Variants in SPATA24 observed in about 807,000 individuals in gnomAD.
The protein encoded by SPATA24 is spermatogenesis-associated protein 24.
SPATA24 carries 21 observed loss-of-function variants against 28.9 expected under a neutral mutation model. That is an observed-to-expected ratio of 0.73 (90% confidence interval 0.52 to 1.05). The LOEUF is 1.05. Among genes scored for constraint, SPATA24 ranks in the 50% least tolerant of loss-of-function variants. The probability of loss-of-function intolerance (pLI) is 0.00; values close to 1 mark genes in which losing one functional copy is unlikely to be tolerated. For missense variants in SPATA24, 215 were observed against 242.9 expected (o/e 0.88, Z 0.76); for synonymous variants, 76 against 89.9 (o/e 0.85, Z 0.88).
downstream of SPATA24, chr5:139,392,500 C>G (rs1395717166): frequency 1.0e-5 from 14 of 1,354,888 alleles, no homozygotes; most frequent in South Asian, 1.8e-5. The surrounding 1 kb of genome is among the most constrained non-coding windows in gnomAD (Gnocchi z 5.8). Context: ...TTGCGGGGAC[C>G]GGTCCGTGGG....
downstream of SPATA24, chr5:139,396,749 G>A: frequency 6.4e-7 from 1 of 1,551,450 alleles, no homozygotes; most frequent in Non-Finnish European, 8.7e-7. Context: ...CCAGAGCAGA[G>A]AAGGCAGAGG....
chr5:139,398,885 G>A lies in SPATA24; in HGVS notation c.386-1742C>T, dbSNP rs777602243. Among the ~76,000 whole-genome samples the A allele has an allele frequency of 2.8e-4, 32 of 113,156 alleles. 5 individuals are homozygous for A. The highest frequency in any genetic ancestry group is 5.3e-4 in the Non-Finnish European group (32 of 60,542). The allele number at this position is 113,156 out of a possible 152,430, so 74.2% of individuals were successfully genotyped here. A position where few individuals can be genotyped will look rare whatever the true frequency, so the allele number is the denominator to read the frequency against. ...CTAAAAATACAAAAATTAGCTGGGT[G>A]TGGTGGCACATGCCTGTAATCCCAG... On this transcript the variant is annotated intron_variant, in intron 4 of 5. Transcript: ENST00000450845.
At chr5:139,402,555 T>G (rs1323315351) in intron 2 of SPATA24, 73 bp downstream of exon 2, 1 of 1,372,110 alleles carries the variant, frequency 7.3e-7, no homozygotes, top group East Asian at 2.5e-5. Flanking sequence ...GGCTAATACT[T>G]AATGAGCCTG....
intron 4 of SPATA24, among the ~76,000 whole-genome samples, chr5:139,400,141 C>T (rs1349058365): frequency 1.3e-5 from 2 of 152,060 alleles, no homozygotes; most frequent in African/African-American, 2.4e-5. Context: ...AGAGCACTCA[C>T]TAGGGGAGAG....
chr5:139,401,506 T>A lies in SPATA24; in HGVS notation c.385+249A>T, dbSNP rs1356702641. The stretch of plus-strand genomic sequence containing the variant: ...AGGTGGACTAAGAAGGTTGTATGTT[T>A]CAGGAAAAATGGGAGCAAGCCCATT... On this transcript the variant is annotated intron_variant, in intron 4 of 5. Transcript: ENST00000450845. 5 of 637,998 alleles carry A rather than the reference T, an allele frequency of 7.8e-6. No individual in the cohort carries two copies. The East Asian group carries it at 1.1e-4, about 14-fold the overall frequency. 39.5% of individuals were successfully genotyped at this position (637,998 alleles called of 1,614,324 possible).
At chr5:139,395,149 C>G, downstream of SPATA24, 1 of 1,348,970 alleles carries the variant, frequency 7.4e-7, no homozygotes, top group Non-Finnish European at 9.6e-7. Context: ...GCACTGTCCC[C>G]GCCCCGCCCG....
downstream of SPATA24, chr5:139,394,052 G>C (rs1464598242): frequency 1.3e-6 from 2 of 1,550,878 alleles, no homozygotes; most frequent in Admixed American, 3.9e-5. Flanking sequence ...TCTGACTGAA[G>C]GAAGATGCTG....
At chr5:139,393,177 G>C (rs753320442), downstream of SPATA24, 6 of 1,549,192 alleles carry the variant, frequency 3.9e-6, no homozygotes, top group Admixed American at 3.9e-5. Flanking sequence ...AGCCTGGCGC[G>C]TACGTGGTCT....
At chr5:139,393,281 C>T, downstream of SPATA24, 1 of 1,550,112 alleles carries the variant, frequency 6.5e-7, no homozygotes, top group Non-Finnish European at 8.7e-7. Context: ...GGGCACTTAT[C>T]CGCGTCCAGG....
At chr5:139,393,897 C>T, downstream of SPATA24, 1 of 1,550,996 alleles carries the variant, frequency 6.4e-7, no homozygotes, top group East Asian at 2.4e-5. Flanking sequence ...TCTGCCGTGG[C>T]GGGGACGGGC....
At chr5:139,403,056 G>A (rs943240151) in intron 1 of SPATA24, among the ~76,000 whole-genome samples, 2 of 152,164 alleles carry the variant, frequency 1.3e-5, no homozygotes, top group African/African-American at 4.8e-5. Flanking sequence ...TGCTATATAG[G>A]GTGGGCCAGA....
Position 139,403,949 on chromosome 5 carries a change from T to C in SPATA24, c.112A>G (p.Asn38Asp). 6.4e-7 allele frequency: 1 copy of C among 1,551,376 alleles called. No homozygotes were observed. Among genetic ancestry groups the C allele is most frequent in the Non-Finnish European group, 8.7e-7 (1 of 1,146,674 alleles). The change falls in exon 1 of 6, where the codon AAC becomes GAC. Residue 38 changes from asparagine to aspartate, a missense_variant. By Grantham distance (23) the Asn-to-Asp change is conservative (BLOSUM62 1). Coordinates refer to ENST00000450845, the MANE Select transcript of SPATA24 (RefSeq NM_194296.2). ...AAACTCCTCTGGCTGCATACCACGT[T>C]CCTCAGCTGGTGGATTAGTTCCTCC... ...SQEELIHQLR[N>D]VMVLQDENFV...
chr5:139,402,144 A>G, intron 2 of SPATA24, 99 bp from the exon 3 acceptor site: 1 of 1,430,738 alleles, frequency 7.0e-7, no homozygotes, highest in Non-Finnish European at 9.2e-7. Flanking sequence ...CACAGAAGCC[A>G]GAGCACAGGG....
At chr5:139,401,348 C>T in intron 4 of SPATA24, 1 of 530,202 alleles carries the variant, frequency 1.9e-6, no homozygotes, top group Admixed American at 3.6e-5. Context: ...ATCCTAGCCC[C>T]CTGTCACCAC....
At chr5:139,399,316 CAA>C (rs1435847293) in intron 4 of SPATA24, among the ~76,000 whole-genome samples, 9 of 59,054 alleles carry the variant, frequency 1.5e-4, no homozygotes, top group Non-Finnish European at 1.4e-4. Context: ...GACTCCATCT[CAA>C]AAAAAAAAAA....
downstream of SPATA24, chr5:139,394,091 C>T: frequency 3.2e-6 from 5 of 1,550,464 alleles, no homozygotes; most frequent in Non-Finnish European, 4.4e-6. Flanking sequence ...GGCTCCGTCC[C>T]GGGCGCAGGC....
Position 139,401,456 on chromosome 5 carries a change from A to G in SPATA24, c.385+299T>C, listed in dbSNP as rs371843555. ...TGTTCCTCTTGTATCAGTTAGGAGTAACCCATCAAAAGTGGGAAAACAAAA... is the reference window on the plus strand; with the variant it reads ...TGTTCCTCTTGTATCAGTTAGGAGTGACCCATCAAAAGTGGGAAAACAAAA... On this transcript the variant is annotated intron_variant, in intron 4 of 5. Transcript: ENST00000450845. The G allele has an allele frequency of 2.3e-4, 139 of 617,122 alleles. 1 individual carries two copies. The Middle Eastern group carries it at 4.3e-3, about 19-fold the overall frequency. The allele number at this position is 617,122 out of a possible 1,614,324, so 38.2% of individuals were successfully genotyped here.
intron 4 of SPATA24, among the ~76,000 whole-genome samples, chr5:139,401,080 C>A (rs1758812279): frequency 6.6e-6 from 1 of 152,078 alleles, no homozygotes; most frequent in African/African-American, 2.4e-5. Flanking sequence ...TCACTTGAAC[C>A]CAGGAGATGG....
At chr5:139,397,019 C>T in intron 5 of SPATA24, 22 bp downstream of exon 5, 13 of 1,551,672 alleles carry the variant, frequency 8.4e-6, no homozygotes, top group Middle Eastern at 1.7e-4. Flanking sequence ...CAACAACCCC[C>T]AGCCGGGCCC....
Sources: gnomAD v4.1 joint callset for allele counts (sites outside exome capture counted in the v4.1 genomes callset) on GRCh38, gnomAD v4.1.1 for gene constraint, Gnocchi (gnomAD v3.1) non-coding constraint, MANE v1.5 for transcripts, NCBI Gene and HGNC (gene_info 2026-07-23, HGNC 2026-07-21) for gene names.